KHDRBS2: variants seen among roughly 807,000 people sequenced by gnomAD.
KHDRBS2 encodes the protein KH domain-containing, RNA-binding, signal transduction-associated protein 2.
Under a neutral mutation model 44.3 loss-of-function variants are expected in KHDRBS2, and 26 were observed. The ratio of observed to expected loss-of-function variants is 0.59; its 90% CI spans 0.43 to 0.81. The LOEUF (loss-of-function observed/expected upper bound fraction) is 0.81. Among genes scored for constraint, KHDRBS2 ranks in the 40% least tolerant of loss-of-function variants. The pLI is 0.00. For missense variants in KHDRBS2, 476 were observed against 433.1 expected (o/e 1.10, Z -0.88); for synonymous variants, 194 against 151.1 (o/e 1.28, Z -2.08).
intron 2 of KHDRBS2, among the ~76,000 whole-genome samples, chr6:62,138,399 T>C (rs1355835961): frequency 1.3e-5 from 2 of 152,212 alleles, no homozygotes; most frequent in East Asian, 1.9e-4. Flanking sequence ...AAAGGATCCA[T>C]ATTTCAGGAG....
intron 8 of KHDRBS2, among the ~76,000 whole-genome samples, chr6:61,686,859 A>G (rs1335965685): frequency 6.6e-6 from 1 of 151,354 alleles, no homozygotes; most frequent in Non-Finnish European, 1.5e-5. Flanking sequence ...AGTATTAATT[A>G]TATAATAATT....
At chr6:62,242,411 G>C (rs1834822467) in intron 1 of KHDRBS2, among the ~76,000 whole-genome samples, 1 of 152,034 alleles carries the variant, frequency 6.6e-6, no homozygotes. Context: ...TGTTGTGGTG[G>C]TTACTCTGCA....
At chr6:62,124,620 C>CAT (rs1554419844) in intron 2 of KHDRBS2, among the ~76,000 whole-genome samples, 3 of 150,044 alleles carry the variant, frequency 2.0e-5, no homozygotes, top group South Asian at 2.1e-4. Context: ...CACACACACA[C>CAT]CACCTTTATC....
chr6:62,162,159 A>G (rs985409025), intron 2 of KHDRBS2, among the ~76,000 whole-genome samples: 3 of 152,008 alleles, frequency 2.0e-5, no homozygotes, highest in African/African-American at 7.2e-5. Context: ...ATTGCTCTTT[A>G]TTTACCTTTA....
At chr6:61,985,812 T>G (rs1774953820) in intron 3 of KHDRBS2, among the ~76,000 whole-genome samples, 1 of 152,150 alleles carries the variant, frequency 6.6e-6, no homozygotes, top group South Asian at 2.1e-4. Flanking sequence ...TACTGAGAAC[T>G]TCAGTATTAG....
At chr6:61,626,297 T>C in the KHDRBS2 span, among the ~76,000 whole-genome samples, 15 of 152,266 alleles carry the variant, frequency 9.9e-5, no homozygotes, top group South Asian at 1.0e-3. Context: ...TCTTCAGAGG[T>C]AGATACATGT....
At chr6:62,086,944 A>G (rs1248582136) in intron 2 of KHDRBS2, among the ~76,000 whole-genome samples, 10 of 137,524 alleles carry the variant, frequency 7.3e-5, no homozygotes, top group African/African-American at 2.7e-4. Flanking sequence ...GCAATAACTG[A>G]AAAAAAAAAA....
chr6:62,077,618 C>T (rs1421160167), intron 2 of KHDRBS2, among the ~76,000 whole-genome samples: 1 of 151,986 alleles, frequency 6.6e-6, no homozygotes, highest in Non-Finnish European at 1.5e-5. Context: ...CTGCATCCAT[C>T]TGATACTCAC....
chr6:62,240,646 GTGTA>G (rs34515841), intron 1 of KHDRBS2, among the ~76,000 whole-genome samples: 21,377 of 132,828 alleles, frequency 0.16, 1,988 homozygotes, highest in African/African-American at 0.24. Context: ...ATATGTGTGT[GTGTA>G]TGTGTGTATG....
chr6:61,709,957 C>T (rs1386109501), intron 7 of KHDRBS2, among the ~76,000 whole-genome samples: 1 of 151,614 alleles, frequency 6.6e-6, no homozygotes, highest in Non-Finnish European at 1.5e-5. Flanking sequence ...CTACTGAATT[C>T]ATTGGTGCAA....
At chr6:61,978,257 C>T (rs1371746658) in intron 3 of KHDRBS2, 45 bp from the exon 4 acceptor site, 1 of 1,467,034 alleles carries the variant, frequency 6.8e-7, no homozygotes, top group Non-Finnish European at 9.4e-7. Context: ...ACTCATTTTA[C>T]ATTGATTTAA....
chr6:61,843,891 T>C (rs549303133), intron 6 of KHDRBS2, among the ~76,000 whole-genome samples: 1 of 152,316 alleles, frequency 6.6e-6, no homozygotes, highest in East Asian at 1.9e-4. Context: ...ATATTTGATA[T>C]TTCTCACCTC....
intron 6 of KHDRBS2, among the ~76,000 whole-genome samples, chr6:61,848,509 A>ATATATGTGTATATATATATATATG (rs1794835517): frequency 2.0e-5 from 1 of 50,848 alleles, no homozygotes; most frequent in African/African-American, 9.7e-5. Flanking sequence ...ATATATATAT[A>ATATATGTGTATATATATATATATG]TGTATATATG....
At chr6:61,784,739 G>A (rs1414261664) in intron 6 of KHDRBS2, among the ~76,000 whole-genome samples, 3 of 152,014 alleles carry the variant, frequency 2.0e-5, no homozygotes, top group African/African-American at 7.2e-5. Flanking sequence ...AATTAAAAAT[G>A]TTTTCTTAAA....
At chr6:62,016,616 A>AAT (rs1781257375) in intron 3 of KHDRBS2, among the ~76,000 whole-genome samples, 1 of 149,158 alleles carries the variant, frequency 6.7e-6, no homozygotes, top group Non-Finnish European at 1.5e-5. Flanking sequence ...ACATAGGTAT[A>AAT]ATATATATAC....
chr6:61,938,833 C>T (rs1217701261), intron 4 of KHDRBS2, among the ~76,000 whole-genome samples: 2 of 152,014 alleles, frequency 1.3e-5, no homozygotes, highest in South Asian at 2.1e-4. Context: ...TTGTTGATCT[C>T]GTGGTTCTAT....
Position 61,961,073 on chromosome 6 carries a change from GA to G in KHDRBS2, c.483+16992del, listed in dbSNP as rs571336772. ...ACAGCTTAGAAGTGAGACTTGTATGGATAAAGAGAAACTTGAGAGAAATTTT... is the reference window on the plus strand; with the variant it reads ...ACAGCTTAGAAGTGAGACTTGTATGGTAAAGAGAAACTTGAGAGAAATTTT... On this transcript the variant is annotated intron_variant, in intron 4 of 8. Coordinates refer to ENST00000281156, the MANE Select transcript of KHDRBS2 (RefSeq NM_152688.4). Among the ~76,000 whole-genome samples, 273 of 152,188 alleles carry G rather than the reference GA, an allele frequency of 1.8e-3. 2 individuals carry two copies. In the South Asian group the frequency reaches 0.02, roughly 11 times the overall value.
chr6:61,832,173 G>T (rs1199565203), intron 6 of KHDRBS2, among the ~76,000 whole-genome samples: 1 of 152,184 alleles, frequency 6.6e-6, no homozygotes, highest in Non-Finnish European at 1.5e-5. Flanking sequence ...GGTTGAGGTT[G>T]CAGTGAGGCA....
At chr6:62,062,022 C>A (rs1413599535) in intron 2 of KHDRBS2, among the ~76,000 whole-genome samples, 1 of 151,752 alleles carries the variant, frequency 6.6e-6, no homozygotes, top group Non-Finnish European at 1.5e-5. Context: ...TTTTCAGCTC[C>A]ATCAAAGAAG....
Sources: gnomAD v4.1 joint callset for allele counts (sites outside exome capture counted in the v4.1 genomes callset) on GRCh38, gnomAD v4.1.1 for gene constraint, MANE v1.5 for transcripts, NCBI Gene and HGNC (gene_info 2026-07-23, HGNC 2026-07-21) for gene names.